Variants in FBXL20 observed in about 807,000 individuals in gnomAD.
FBXL20 encodes the protein F-box/LRR-repeat protein 20.
In FBXL20, 11 loss-of-function variants were observed where a neutral mutation model predicts 64.0. The ratio of observed to expected loss-of-function variants is 0.17; its 90% CI spans 0.11 to 0.28. The LOEUF is 0.28. Among genes scored for constraint, FBXL20 ranks in the 10% least tolerant of loss-of-function variants. The pLI is 1.00. For missense variants in FBXL20, 303 were observed against 526.2 expected, an observed-to-expected ratio of 0.58 and a Z score of 4.15; for synonymous variants, 184 against 189.0, an observed-to-expected ratio of 0.97 and a Z score of 0.22.
intron 1 of FBXL20, among the ~76,000 whole-genome samples, chr17:39,360,126 T>A (rs1200227908): frequency 1.3e-5 from 2 of 152,228 alleles, no homozygotes; most frequent in African/African-American, 4.8e-5. Flanking sequence ...GAAGACATTA[T>A]GCTAAGTGGA....
intron 1 of FBXL20, among the ~76,000 whole-genome samples, chr17:39,386,775 C>A (rs1342634769): frequency 1.3e-5 from 2 of 152,142 alleles, no homozygotes; most frequent in African/African-American, 4.8e-5. Context: ...ACTTCTAATT[C>A]CACAAAAGAA....
intron 2 of FBXL20, among the ~76,000 whole-genome samples, chr17:39,322,200 A>G (rs1193296693): frequency 1.3e-5 from 2 of 148,164 alleles, no homozygotes; most frequent in African/African-American, 5.0e-5. Flanking sequence ...GCCATGCCCC[A>G]TGCTTAATTT....
chr17:39,298,876 T>C, intron 5 of FBXL20, 114 bp downstream of exon 5: 1 of 766,990 alleles, frequency 1.3e-6, no homozygotes, highest in South Asian at 1.6e-5. Flanking sequence ...TTATAAGCAA[T>C]GTGTGGTTGC....
chr17:39,271,199 A>C (rs1184124901), intron 10 of FBXL20, among the ~76,000 whole-genome samples: 1 of 152,236 alleles, frequency 6.6e-6, no homozygotes, highest in East Asian at 1.9e-4. Context: ...GCTCCTAGAA[A>C]ACAAAGGAAA....
At chr17:39,270,878 C>T in intron 10 of FBXL20, 22 bp from the exon 11 acceptor site, 1 of 1,181,790 alleles carries the variant, frequency 8.5e-7, no homozygotes, top group South Asian at 1.4e-5. Flanking sequence ...AAAAAAAAAA[C>T]AGTGAAAGTC....
chr17:39,272,886 C>T (rs1159438809), intron 10 of FBXL20, among the ~76,000 whole-genome samples: 1 of 152,032 alleles, frequency 6.6e-6, no homozygotes, highest in African/African-American at 2.4e-5. Context: ...ACTCCTCTCT[C>T]TACAGTCGAA....
chr17:39,339,935 C>T (rs996229501), intron 2 of FBXL20, among the ~76,000 whole-genome samples: 3 of 151,822 alleles, frequency 2.0e-5, no homozygotes, highest in African/African-American at 4.8e-5. Flanking sequence ...CATGAGCCAC[C>T]GTAACTGGAT....
chr17:39,335,078 C>A lies in FBXL20; in HGVS notation c.104+8102G>T, dbSNP rs2047507278. Among the ~76,000 whole-genome samples, 3 of 152,144 alleles carry A rather than the reference C, an allele frequency of 2.0e-5. No homozygotes were observed. In the South Asian group the frequency reaches 6.2e-4, roughly 32 times the overall value. On this transcript the variant is annotated intron_variant, in intron 2 of 14. Coordinates refer to ENST00000264658, the MANE Select transcript of FBXL20 (RefSeq NM_032875.3). The stretch of plus-strand genomic sequence containing the variant: ...TAGTGAGCCTTATCTCTCCACTTCC[C>A]AGGCATTGTGAAGACCCTGTTTCTC...
At chr17:39,387,027 C>G (rs967162136) in intron 1 of FBXL20, among the ~76,000 whole-genome samples, 1 of 152,066 alleles carries the variant, frequency 6.6e-6, no homozygotes, top group Non-Finnish European at 1.5e-5. Context: ...GATGGTTTAA[C>G]TTAAGATTTT....
At chr17:39,369,075 T>C (rs1483835473) in intron 1 of FBXL20, among the ~76,000 whole-genome samples, 2 of 152,176 alleles carry the variant, frequency 1.3e-5, no homozygotes, top group Non-Finnish European at 2.9e-5. Context: ...ATTTTAATGC[T>C]ATTTGAAGAA....
intron 2 of FBXL20, among the ~76,000 whole-genome samples, chr17:39,319,949 A>C (rs2047338961): frequency 6.6e-6 from 1 of 152,116 alleles, no homozygotes; most frequent in African/African-American, 2.4e-5. Context: ...TATTACACTT[A>C]CTTTGACGGG....
intron 1 of FBXL20, among the ~76,000 whole-genome samples, chr17:39,361,870 T>C (rs1015596978): frequency 3.3e-5 from 5 of 151,004 alleles, no homozygotes; most frequent in Non-Finnish European, 5.9e-5. Flanking sequence ...GGCTGAGGTA[T>C]GAGGACTGCC....
intron 14 of FBXL20, 37 bp from the exon 15 acceptor site, chr17:39,261,604 G>A (rs753611176): frequency 6.9e-7 from 1 of 1,455,058 alleles, no homozygotes; most frequent in Non-Finnish European, 9.5e-7. Flanking sequence ...TTTAAGAGAG[G>A]GCTTAAACAG....
chr17:39,390,007 G>A (rs1026946136), intron 1 of FBXL20, among the ~76,000 whole-genome samples: 1 of 152,034 alleles, frequency 6.6e-6, no homozygotes, highest in South Asian at 2.1e-4. Context: ...TTCATCTTAG[G>A]AGACACTTAT....
Position 39,255,661 on chromosome 17 carries a change from T to A in FBXL20, c.*5799A>T, listed in dbSNP as rs944349437. The A allele has an allele frequency of 6.7e-6, 1 of 149,724 alleles. No individual in the cohort carries two copies. The highest frequency in any genetic ancestry group is 1.5e-5 in the Non-Finnish European group (1 of 67,304). 9.3% of individuals were successfully genotyped at this position (149,724 alleles called of 1,614,324 possible). ...GAGTTTGAAACCAGCCTGACCAACA[T>A]GGTGAAACCCCGTCTCTACTAAAAA... On this transcript the variant is annotated 3_prime_UTR_variant, in exon 15 of 15. Transcript: ENST00000264658.
At position 39,256,908 on chromosome 17, in the gene FBXL20, C is replaced by A. The variant is rs766024328; in HGVS notation, c.*4552G>T. The A allele has an allele frequency of 4.6e-5, 7 of 152,224 alleles. No homozygotes were observed. The highest frequency in any genetic ancestry group is 8.8e-5 in the Non-Finnish European group (6 of 68,032). 9.4% of individuals were successfully genotyped at this position (152,224 alleles called of 1,614,324 possible). On this transcript the variant is annotated 3_prime_UTR_variant, in exon 15 of 15. Coordinates refer to ENST00000264658, the MANE Select transcript of FBXL20 (RefSeq NM_032875.3). ...ACTTTCTAACAACTTCAAACCAAGA[C>A]AGGTTTCATCACATATTTTGTTTAG...
intron 1 of FBXL20, among the ~76,000 whole-genome samples, chr17:39,401,100 G>A (rs1239018488): frequency 6.6e-6 from 1 of 152,236 alleles, no homozygotes; most frequent in African/African-American, 2.4e-5. Context: ...TCCTGGAGGA[G>A]GGTGGAATTA....
chr17:39,356,168 T>G (rs181628464), intron 1 of FBXL20, among the ~76,000 whole-genome samples: 516 of 147,878 alleles, frequency 3.5e-3, no homozygotes, highest in African/African-American at 0.012. Flanking sequence ...TGAGCTGAGA[T>G]TGTGCCACGG....
intron 2 of FBXL20, among the ~76,000 whole-genome samples, chr17:39,332,928 T>C (rs979982014): frequency 2.6e-5 from 4 of 152,168 alleles, no homozygotes; most frequent in Admixed American, 2.0e-4. Context: ...TACCTGTGGA[T>C]GGATCTAGGG....
Sources: allele counts gnomAD v4.1 joint callset (sites outside exome capture counted in the v4.1 genomes callset), GRCh38; gene constraint gnomAD v4.1.1; transcripts MANE v1.5; gene names NCBI Gene and HGNC (gene_info 2026-07-23, HGNC 2026-07-21).